Variants in CEP97 observed in about 807,000 individuals in gnomAD.
The protein encoded by CEP97 is centrosomal protein of 97 kDa.
Under a neutral mutation model 73.1 loss-of-function variants are expected in CEP97, and 43 were observed. That is an observed-to-expected ratio of 0.59 (90% confidence interval 0.46 to 0.76). The LOEUF (loss-of-function observed/expected upper bound fraction) is 0.76. Among genes scored for constraint, CEP97 ranks in the 30% least tolerant of loss-of-function variants. The pLI, the probability that CEP97 is intolerant of heterozygous loss-of-function variation, is 0.00. For missense variants in CEP97, 939 were observed against 1,014.0 expected (o/e 0.93, Z 1.00); for synonymous variants, 337 against 370.0 (o/e 0.91, Z 1.02).
intron 6 of CEP97, among the ~76,000 whole-genome samples, chr3:101,742,711 G>A (rs1422460099): frequency 1.3e-5 from 2 of 149,518 alleles, no homozygotes; most frequent in Non-Finnish European, 3.0e-5. Context: ...TTCTGCACAA[G>A]TATCCCAGAA....
intron 6 of CEP97, among the ~76,000 whole-genome samples, chr3:101,735,333 G>A (rs1938237924): frequency 6.6e-6 from 1 of 152,182 alleles, no homozygotes; most frequent in Admixed American, 6.5e-5. Flanking sequence ...AGGGAAGAGT[G>A]GGCTCCCACT....
Position 101,767,226 on chromosome 3 carries a change from T to A in CEP97, c.*1675T>A, listed in dbSNP as rs1466671991. On this transcript the variant is annotated 3_prime_UTR_variant, in exon 11 of 11. Coordinates refer to ENST00000341893, the MANE Select transcript of CEP97 (RefSeq NM_024548.4). Reference sequence around the variant, plus strand: ...AATCCAGAATCCCTTGAAAAGGAAATATTTTCTGTTTCTTATAAATAAAAG... The same window carrying A: ...AATCCAGAATCCCTTGAAAAGGAAAAATTTTCTGTTTCTTATAAATAAAAG... 6.6e-6 allele frequency: 1 copy of A among 152,216 alleles called. No homozygotes were observed. The highest frequency in any genetic ancestry group is 1.9e-4 in the East Asian group (1 of 5,206). The allele number at this position is 152,216 out of a possible 1,614,324, so 9.4% of individuals were successfully genotyped here.
At chr3:101,762,402 A>G (rs1206650534) in intron 9 of CEP97, 83 bp from the exon 10 acceptor site, 5 of 712,756 alleles carry the variant, frequency 7.0e-6, no homozygotes, top group Middle Eastern at 2.7e-4. Context: ...TCTCTTTACA[A>G]TGCATGTGTT....
At chr3:101,743,147 G>A (rs1938508737) in intron 6 of CEP97, among the ~76,000 whole-genome samples, 1 of 151,820 alleles carries the variant, frequency 6.6e-6, no homozygotes, top group African/African-American at 2.4e-5. Flanking sequence ...TCAGGAGGCT[G>A]AAGTGGGAGG....
intron 6 of CEP97, among the ~76,000 whole-genome samples, chr3:101,738,342 G>C (rs892243466): frequency 6.6e-6 from 1 of 152,106 alleles, no homozygotes; most frequent in Admixed American, 6.5e-5. Context: ...GGACCAAGCA[G>C]ACCTAATAGA....
rs1273063889 is a variant in CEP97, at chr3:101,732,542, C to T, written c.616C>T (p.Pro206Ser). ...ELEQLSIMNNPCVMATPSIPG... is the reference protein window; with the variant it reads ...ELEQLSIMNNSCVMATPSIPG... ...GGAACAGTTGTCGATTATGAACAAT[C>T]CTTGTGTGATGGCAACACCATCCAT... is the stretch of plus-strand genomic sequence containing the variant. Residue 206 changes from proline to serine, a missense_variant, in exon 6 of 11, where the codon CCT (proline) becomes TCT (serine). By Grantham distance (74) the Pro-to-Ser change is moderately conservative. Transcript: ENST00000341893. 1 of 1,613,570 alleles carries T rather than the reference C, an allele frequency of 6.2e-7. No homozygotes were observed. Among genetic ancestry groups the T allele is most frequent in the Non-Finnish European group, 8.5e-7 (1 of 1,179,622 alleles).
In CEP97 at chr3:101,724,726, C is replaced by G. The variant is rs769100893; in HGVS notation, c.43+7C>G. ...GCTTTGCCTCCCGGAGAAGGTAAGGCGATCCCTACCCCGAGTCCTAAGGTT... is the reference window on the plus strand; with the variant it reads ...GCTTTGCCTCCCGGAGAAGGTAAGGGGATCCCTACCCCGAGTCCTAAGGTT... On this transcript the variant is annotated splice_region_variant and intron_variant, in intron 1 of 10. Transcript: ENST00000341893. 1 of 1,613,990 alleles carries G rather than the reference C, an allele frequency of 6.2e-7. No individual in the cohort carries two copies. Among genetic ancestry groups the G allele is most frequent in the East Asian group, 2.2e-5 (1 of 44,876 alleles).
rs184203229 is a variant in CEP97 at position 101,736,848 on chromosome 3, T to A, written c.728+4194T>A. Among the ~76,000 whole-genome samples, 35 of 152,258 alleles carry A rather than the reference T, an allele frequency of 2.3e-4. No homozygotes were observed. In the East Asian group the frequency reaches 5.0e-3, roughly 22 times the overall value. ...GAACAAAACTGGACAGAGAATGAGT[T>A]TCACAAATTGACAGAAGTAGGCTTC... On this transcript the variant is annotated intron_variant, in intron 6 of 10. Transcript: ENST00000341893.
Position 101,757,820 on chromosome 3 carries a change from T to A in CEP97, c.1214T>A (p.Phe405Tyr). The A allele has an allele frequency of 6.2e-7, 1 of 1,614,252 alleles. No homozygotes were observed. The highest frequency in any genetic ancestry group is 1.1e-5 in the South Asian group (1 of 91,088). ...AGTCTTCTCTCTTCAGAGTCTACTT[T>A]TATGCCAGTTGCATCAGGACTGTCT... ...NCSLLSSEST[F>Y]MPVASGLSPL... Residue 405 changes from phenylalanine (F) to tyrosine (Y), a missense_variant, in exon 9 of 11, where the codon TTT (phenylalanine) becomes TAT (tyrosine). Physicochemically the swap from Phe to Tyr is conservative, Grantham distance 22. Coordinates refer to ENST00000341893, the MANE Select transcript of CEP97 (RefSeq NM_024548.4).
At position 101,724,727 on chromosome 3, in the gene CEP97, G is replaced by C; in HGVS notation, c.43+8G>C. 6.2e-7 allele frequency: 1 copy of C among 1,613,996 alleles called. No homozygotes were observed. Among genetic ancestry groups the C allele is most frequent in the African/African-American group, 1.3e-5 (1 of 75,056 alleles). ...CTTTGCCTCCCGGAGAAGGTAAGGC[G>C]ATCCCTACCCCGAGTCCTAAGGTTT... On this transcript the variant is annotated splice_region_variant and intron_variant, in intron 1 of 10. Coordinates refer to ENST00000341893, the MANE Select transcript of CEP97 (RefSeq NM_024548.4).
intron 6 of CEP97, among the ~76,000 whole-genome samples, chr3:101,742,767 G>C (rs1167843870): frequency 6.6e-6 from 1 of 150,740 alleles, no homozygotes; most frequent in East Asian, 1.9e-4. Flanking sequence ...AGAAGGAAGA[G>C]ATGGGAGGGT....
At position 101,755,540 on chromosome 3, in the gene CEP97, T is replaced by C. The variant is rs761683619; in HGVS notation, c.839T>C (p.Leu280Pro). 1.1e-4 allele frequency: 172 copies of C among 1,614,180 alleles called. No homozygotes were observed. The Middle Eastern group carries it at 1.2e-3, about 11-fold the overall frequency. The stretch of plus-strand genomic sequence containing the variant: ...ACAGTCTGCCCCCTCACTTCTACAC[T>C]AGGTCTTCAAACTGCAGAGGATGCC... The part of the protein sequence containing the change: ...LATVCPLTST[L>P]GLQTAEDAKL... The change falls in exon 7 of 11, where the codon CTA (leucine) becomes CCA (proline). Residue 280 changes from leucine to proline, a missense_variant. Physicochemically the swap from Leu to Pro is moderately conservative, Grantham distance 98 (BLOSUM62 -3). Transcript: ENST00000341893.
At chr3:101,740,331 TAGAG>T (rs895788294) in intron 6 of CEP97, among the ~76,000 whole-genome samples, 2 of 151,018 alleles carry the variant, frequency 1.3e-5, no homozygotes, top group East Asian at 1.9e-4. Flanking sequence ...TACAACATAA[TAGAG>T]AGCCTAATCA....
chr3:101,732,218 TC>T (rs775975236), intron 5 of CEP97, among the ~76,000 whole-genome samples: 60 of 152,320 alleles, frequency 3.9e-4, no homozygotes, highest in Non-Finnish European at 7.9e-4. Flanking sequence ...TTTATAAGAC[TC>T]CCTGTCCACC....
intron 3 of CEP97, 102 bp downstream of exon 3, chr3:101,727,643 C>G: frequency 1.1e-6 from 1 of 869,920 alleles, no homozygotes; most frequent in Non-Finnish European, 1.8e-6. Flanking sequence ...CACTCCCACT[C>G]TCCAGGGATA....
At chr3:101,748,278 G>T (rs1218512609) in intron 6 of CEP97, among the ~76,000 whole-genome samples, 3 of 151,382 alleles carry the variant, frequency 2.0e-5, no homozygotes, top group Non-Finnish European at 1.5e-5. Context: ...TTTGTGTAGG[G>T]ATAAGTTTAT....
At position 101,757,149 on chromosome 3, in the gene CEP97, C is replaced by G; in HGVS notation, c.980C>G (p.Pro327Arg). The change falls in exon 8 of 11, where the codon CCT (proline) becomes CGT (arginine). Residue 327 changes from proline to arginine, a missense_variant. Transcript: ENST00000341893. The part of the protein sequence containing the change: ...VPVETRASLI[P>R]EHSSPVQDCQ... ...GTTGAAACAAGGGCATCCCTTATTCCTGAGCATTCAAGCCCTGTTCAAGAT... is the reference window on the plus strand; with the variant it reads ...GTTGAAACAAGGGCATCCCTTATTCGTGAGCATTCAAGCCCTGTTCAAGAT... 6.2e-7 allele frequency: 1 copy of G among 1,613,202 alleles called. No homozygotes were observed. Among genetic ancestry groups the G allele is most frequent in the Non-Finnish European group, 8.5e-7 (1 of 1,179,752 alleles).
chr3:101,732,279 A>G (rs1461863835), intron 5 of CEP97, among the ~76,000 whole-genome samples: 1 of 152,164 alleles, frequency 6.6e-6, no homozygotes, highest in Non-Finnish European at 1.5e-5. Flanking sequence ...CTGCTAGGAA[A>G]CAGTGCTGAT....
Position 101,757,181 on chromosome 3 carries a change from A to G in CEP97, c.1012A>G (p.Ile338Val). The G allele has an allele frequency of 6.2e-7, 1 of 1,605,106 alleles. No homozygotes were observed. The highest frequency in any genetic ancestry group is 8.5e-7 in the Non-Finnish European group (1 of 1,177,676). ...EHSSPVQDCQISQESEPVIQV... is the reference protein window; with the variant it reads ...EHSSPVQDCQVSQESEPVIQV... ...TTCAAGCCCTGTTCAAGATTGCCAG[A>G]TATCCCAGGAAAGTGGTAAGAAATG... Residue 338 changes from isoleucine (I) to valine (V), a missense_variant, in exon 8 of 11, where the codon ATA becomes GTA. Coordinates refer to ENST00000341893, the MANE Select transcript of CEP97 (RefSeq NM_024548.4).
Sources: gnomAD v4.1 joint callset for allele counts (sites outside exome capture counted in the v4.1 genomes callset) on GRCh38, gnomAD v4.1.1 for gene constraint, MANE v1.5 for transcripts, NCBI Gene and HGNC (gene_info 2026-07-23, HGNC 2026-07-21) for gene names.